Variants in TPO observed in about 807,000 individuals in gnomAD.
TPO encodes thyroid peroxidase, also known as thyroid microsomal antigen.
TPO carries 78 observed loss-of-function variants against 96.9 expected under a neutral mutation model. The observed-to-expected ratio is 0.81, with a 90% CI of 0.67 to 0.97. The LOEUF (loss-of-function observed/expected upper bound fraction) is 0.97. TPO is among the 50% of genes least tolerant of loss of function. TPO has a pLI of 0.00. For missense variants in TPO, 1,252 were observed against 1,274.8 expected (o/e 0.98, Z 0.27); for synonymous variants, 547 against 538.0 (o/e 1.02, Z -0.23).
chr2:1,499,210 G>A (rs192485124), intron 13 of TPO, among the ~76,000 whole-genome samples: 6 of 152,046 alleles, frequency 3.9e-5, no homozygotes, highest in East Asian at 3.9e-4. Flanking sequence ...CCCTGTGCGC[G>A]TGCCCTCTGA....
rs1491142370 is a variant in TPO at position 1,493,987 on chromosome 2, C to CT, written c.1955dup (p.Phe653ValfsTer16). 4.3e-6 allele frequency: 7 copies of CT among 1,614,074 alleles called. No homozygotes were observed. The highest frequency in any genetic ancestry group is 5.9e-6 in the Non-Finnish European group (7 of 1,180,052). On this transcript the variant is annotated frameshift_variant, in exon 11 of 17. Coordinates refer to ENST00000329066, the MANE Select transcript of TPO (RefSeq NM_001206744.2). LOFTEE classifies it high-confidence loss of function. Reference sequence around the variant, plus strand: ...CCTCCCCAGGGCTCGGACAGGGCCCCTGTTTGCCTGTCTCATTGGGAAGCA... The same window carrying CT: ...CCTCCCCAGGGCTCGGACAGGGCCCCTTGTTTGCCTGTCTCATTGGGAAGCA...
chr2:1,487,023 G>T (rs980587147), intron 9 of TPO, among the ~76,000 whole-genome samples: 4 of 152,184 alleles, frequency 2.6e-5, no homozygotes, highest in African/African-American at 7.2e-5. Flanking sequence ...AAAGACTCTG[G>T]TGGCATGCAG....
At chr2:1,450,081 C>T (rs961899907) in intron 5 of TPO, among the ~76,000 whole-genome samples, 1 of 152,328 alleles carries the variant, frequency 6.6e-6, no homozygotes, top group East Asian at 1.9e-4. Flanking sequence ...GCTGCTGCCC[C>T]GCTGAGAAAG....
chr2:1,513,047 G>A (rs1046013359), intron 14 of TPO, among the ~76,000 whole-genome samples: 2 of 152,262 alleles, frequency 1.3e-5, no homozygotes, highest in Non-Finnish European at 1.5e-5. Context: ...TGCCCTCTCC[G>A]TACAGATGGC....
chr2:1,504,922 C>A (rs1011203468), intron 14 of TPO, among the ~76,000 whole-genome samples: 5 of 152,120 alleles, frequency 3.3e-5, no homozygotes, highest in African/African-American at 1.2e-4. Context: ...CAGAAAGAAC[C>A]AAGTGCAAGG....
chr2:1,436,151 C>G, intron 4 of TPO, 101 bp from the exon 5 acceptor site: 3 of 1,588,630 alleles, frequency 1.9e-6, no homozygotes, highest in Non-Finnish European at 2.6e-6. Context: ...ATATGAATCC[C>G]AAATTCAGAT....
upstream of TPO, among the ~76,000 whole-genome samples, chr2:1,410,849 AT>A (rs539383371): frequency 6.6e-6 from 1 of 151,632 alleles, no homozygotes; most frequent in African/African-American, 2.4e-5. Flanking sequence ...GAAGACGTGT[AT>A]TTTTTTCTTT....
At chr2:1,383,977 A>G (rs10188526) in intron 1 of TPO, among the ~76,000 whole-genome samples, 16,360 of 152,160 alleles carry the variant, frequency 0.11, 1,717 homozygotes, top group African/African-American at 0.28. Context: ...AATAGGGAAT[A>G]CTTTCCCCAT....
At position 1,453,808 on chromosome 2, in the gene TPO, G is replaced by T. The variant is rs199943156; in HGVS notation, c.597G>T (p.Gly199=). ...GGAACCCCGGCTTCTTGTACAACGG[G>T]TTCCCACTGCCCCCGGTGGGTACTC... ...RGWNPGFLYN[G]FPLPPVREVT... is the part of the protein sequence containing the mutation. The change falls in exon 6 of 17, where the codon GGG becomes GGT. Residue 199 remains glycine (G), a synonymous_variant. Coordinates refer to ENST00000329066, the MANE Select transcript of TPO (RefSeq NM_001206744.2). The T allele has an allele frequency of 1.9e-6, 3 of 1,613,686 alleles. No homozygotes were observed. The Admixed American group carries it at 5.0e-5, about 27-fold the overall frequency.
At chr2:1,510,793 TC>T (rs1429040513) in intron 14 of TPO, among the ~76,000 whole-genome samples, 4 of 152,178 alleles carry the variant, frequency 2.6e-5, no homozygotes, top group African/African-American at 9.7e-5. Context: ...CCAGGGCTTC[TC>T]CTGTCTCCGT....
intron 1 of TPO, among the ~76,000 whole-genome samples, chr2:1,398,060 T>C (rs1189343084): frequency 6.6e-6 from 1 of 152,168 alleles, no homozygotes; most frequent in African/African-American, 2.4e-5. Context: ...AAGCTCCACT[T>C]CCAGACAGTG....
intron 5 of TPO, among the ~76,000 whole-genome samples, chr2:1,441,127 C>T (rs1374482583): frequency 6.6e-6 from 1 of 150,956 alleles, no homozygotes; most frequent in Non-Finnish European, 1.5e-5. Flanking sequence ...GGAGCAGGCT[C>T]CTTCCTGTTT....
intron 5 of TPO, among the ~76,000 whole-genome samples, chr2:1,451,155 T>C (rs903598578): frequency 2.0e-5 from 3 of 152,170 alleles, no homozygotes; most frequent in Non-Finnish European, 2.9e-5. Flanking sequence ...TCCTCTAATG[T>C]ACGGAGCTGC....
In TPO at chr2:1,444,105, A is replaced by T. The variant is rs1260980526; in HGVS notation, c.482+7721A>T. 3.8e-5 allele frequency among the ~76,000 whole-genome samples: 5 copies of T among 132,508 alleles called. No individual in the cohort carries two copies. In the South Asian group the frequency reaches 1.3e-3, roughly 34 times the overall value. The allele number at this position is 132,508 out of a possible 152,430, so 86.9% of individuals were successfully genotyped here. ...GCACCATGTTAGAAGGGAATGGGGC[A>T]GGCTCCTTCTTGTTTGTATGATCCA... On this transcript the variant is annotated intron_variant, in intron 5 of 16. Transcript: ENST00000329066.
At chr2:1,473,982 T>C (rs1669672641) in intron 7 of TPO, among the ~76,000 whole-genome samples, 1 of 152,222 alleles carries the variant, frequency 6.6e-6, no homozygotes, top group Admixed American at 6.5e-5. Flanking sequence ...TTATTTTCTC[T>C]TACAGTAGCT....
chr2:1,471,494 A>G (rs1424182635), intron 7 of TPO, among the ~76,000 whole-genome samples: 1 of 151,392 alleles, frequency 6.6e-6, no homozygotes, highest in Admixed American at 6.6e-5. Context: ...AATTCAAAAT[A>G]GGTTTTAATT....
At chr2:1,467,847 T>A (rs1369230199) in intron 7 of TPO, among the ~76,000 whole-genome samples, 2 of 151,466 alleles carry the variant, frequency 1.3e-5, no homozygotes, top group African/African-American at 4.9e-5. Context: ...TGTTAGTAAT[T>A]GTTTTATAAA....
chr2:1,386,730 A>T (rs1207716090), intron 1 of TPO, among the ~76,000 whole-genome samples: 2 of 152,070 alleles, frequency 1.3e-5, no homozygotes, highest in African/African-American at 4.8e-5. Context: ...TAATTTTGTT[A>T]TGTGTGAATT....
At chr2:1,388,392 C>T (rs918944614) in intron 1 of TPO, among the ~76,000 whole-genome samples, 5 of 152,198 alleles carry the variant, frequency 3.3e-5, no homozygotes, top group African/African-American at 9.6e-5. Context: ...TGTTTACCTA[C>T]TCAAGCCTCA....
Sources: allele counts gnomAD v4.1 joint callset (sites outside exome capture counted in the v4.1 genomes callset), GRCh38; gene constraint gnomAD v4.1.1; transcripts MANE v1.5; gene names NCBI Gene and HGNC (gene_info 2026-07-23, HGNC 2026-07-21).